Variants in PIGN observed in about 807,000 individuals in gnomAD.
PIGN encodes phosphatidylinositol glycan anchor biosynthesis class N, also known as GPI ethanolamine phosphate transferase 1.
In PIGN, 117 loss-of-function variants were observed where a neutral mutation model predicts 125.4. The observed-to-expected ratio is 0.93, with a 90% CI of 0.80 to 1.09. PIGN has a LOEUF of 1.09. Ranked by LOEUF, PIGN falls within the 50% of genes least tolerant of loss-of-function variation. The pLI is 0.00. For missense variants in PIGN, 1,075 were observed against 1,094.9 expected, an observed-to-expected ratio of 0.98 and a Z score of 0.26; for synonymous variants, 392 against 377.8, an observed-to-expected ratio of 1.04 and a Z score of -0.44.
intron 23 of PIGN, among the ~76,000 whole-genome samples, chr18:62,023,202 A>G (rs2030074707): frequency 6.6e-6 from 1 of 152,148 alleles, no homozygotes; most frequent in African/African-American, 2.4e-5. Flanking sequence ...CACCCCTAAA[A>G]GAAATCCCAT....
intron 28 of PIGN, among the ~76,000 whole-genome samples, chr18:62,079,430 A>G (rs888755879): frequency 1.3e-5 from 2 of 152,270 alleles, no homozygotes; most frequent in African/African-American, 2.4e-5. Context: ...AGAAATTAGC[A>G]TAAAATAAAA....
At chr18:62,121,991 C>G (rs2035325472) in intron 14 of PIGN, among the ~76,000 whole-genome samples, 1 of 152,054 alleles carries the variant, frequency 6.6e-6, no homozygotes, top group Non-Finnish European at 1.5e-5. Flanking sequence ...TTCCCACCAA[C>G]AGTACACAGG....
intron 16 of PIGN, 148 bp from the exon 17 acceptor site, chr18:62,110,121 A>G (rs1345151878): frequency 3.0e-6 from 2 of 661,194 alleles, no homozygotes; most frequent in Non-Finnish European, 4.9e-6. Context: ...CATTAAGACA[A>G]GGAAAAAAAT....
rs147773410 is a variant in PIGN, at chr18:62,155,424, C to T, written c.443-773G>A. Among the ~76,000 whole-genome samples the T allele has an allele frequency of 2.8e-3, 423 of 152,094 alleles. 1 individual carries two copies. Among genetic ancestry groups the T allele is most frequent in the African/African-American group, 9.7e-3 (402 of 41,482 alleles). The stretch of plus-strand genomic sequence containing the variant: ...TCTACTAAAAAGAGAAAAAAATTAG[C>T]TGGGTGTGGTGGTGTGCGCTTGTAA... On this transcript the variant is annotated intron_variant, in intron 6 of 30. Coordinates refer to ENST00000640252, the MANE Select transcript of PIGN (RefSeq NM_176787.5).
chr18:62,129,917 G>C (rs1458059768), intron 14 of PIGN, among the ~76,000 whole-genome samples: 1 of 152,176 alleles, frequency 6.6e-6, no homozygotes, highest in Non-Finnish European at 1.5e-5. Context: ...ACATCATCAA[G>C]CTAAAGCACA....
intron 30 of PIGN, among the ~76,000 whole-genome samples, chr18:62,050,676 A>G (rs374303208): frequency 6.6e-6 from 1 of 151,992 alleles, no homozygotes; most frequent in Admixed American, 6.6e-5. Context: ...TCTTTTCCTA[A>G]TTGAATACCC....
At chr18:62,163,156 G>A (rs2037013766) in intron 2 of PIGN, among the ~76,000 whole-genome samples, 1 of 152,116 alleles carries the variant, frequency 6.6e-6, no homozygotes, top group African/African-American at 2.4e-5. Context: ...CAGTAAGGGT[G>A]TATACTGATT....
Position 62,101,238 on chromosome 18 carries a change from C to G in PIGN, c.1969-55G>C. ...AAGAGAAGGTAGTGAAAGACTCTAA[C>G]TAGCAAGAATGTAAGACATTCTTAT... On this transcript the variant is annotated intron_variant, in intron 21 of 30. Transcript: ENST00000640252. 2 of 966,102 alleles carry G rather than the reference C, an allele frequency of 2.1e-6. 1 individual carries two copies. The highest frequency in any genetic ancestry group is 3.3e-6 in the Non-Finnish European group (2 of 611,344). 59.8% of individuals were successfully genotyped at this position (966,102 alleles called of 1,614,324 possible).
intron 23 of PIGN, among the ~76,000 whole-genome samples, chr18:62,092,894 CT>C (rs1394672645): frequency 6.6e-6 from 1 of 152,124 alleles, no homozygotes; most frequent in Non-Finnish European, 1.5e-5. Context: ...TATTCAAGCT[CT>C]TTCTCTAGTC....
At chr18:62,180,493 AT>A (rs2037678579) in intron 1 of PIGN, among the ~76,000 whole-genome samples, 1 of 152,154 alleles carries the variant, frequency 6.6e-6, no homozygotes, top group Non-Finnish European at 1.5e-5. Context: ...ATATCTCTAA[AT>A]CCCCCTAATT....
intron 1 of PIGN, among the ~76,000 whole-genome samples, chr18:62,165,810 G>A (rs2037112831): frequency 6.6e-6 from 1 of 152,184 alleles, no homozygotes; most frequent in Admixed American, 6.5e-5. Context: ...ACAGTAATGA[G>A]TAATCTAGGA....
intron 30 of PIGN, among the ~76,000 whole-genome samples, chr18:62,055,644 G>A (rs139019442): frequency 9.1e-4 from 138 of 151,980 alleles, no homozygotes; most frequent in African/African-American, 3.3e-3. Flanking sequence ...ACCACTGGGG[G>A]GAAATAAGGT....
chr18:62,046,994 G>A lies in PIGN; in HGVS notation c.2673-1015C>T, dbSNP rs538885851. Among the ~76,000 whole-genome samples the A allele has an allele frequency of 7.2e-5, 11 of 152,246 alleles. 1 individual carries two copies. In the South Asian group the frequency reaches 1.7e-3, roughly 23 times the overall value. On this transcript the variant is annotated intron_variant, in intron 30 of 30. Transcript: ENST00000640252. ...ACAGCAGCAACCTGGAAATGCCACT[G>A]GGCACAGACCAAAAAGAAATCCCCA...
At chr18:62,088,676 G>A in intron 25 of PIGN, 80 bp downstream of exon 25, 1 of 774,794 alleles carries the variant, frequency 1.3e-6, no homozygotes, top group East Asian at 2.7e-5. Context: ...TTAAGTGATG[G>A]GCAGAAACAC....
chr18:62,121,005 G>A (rs944797179), intron 14 of PIGN, among the ~76,000 whole-genome samples: 19 of 152,152 alleles, frequency 1.2e-4, no homozygotes, highest in Admixed American at 1.2e-3. Context: ...GAAAGGATAT[G>A]AGAAAAGACA....
chr18:62,168,516 T>C (rs1269635707), intron 1 of PIGN, among the ~76,000 whole-genome samples: 1 of 152,174 alleles, frequency 6.6e-6, no homozygotes, highest in East Asian at 1.9e-4. Flanking sequence ...CTGAACCATT[T>C]GAGGATAAGT....
At chr18:62,132,330 A>G (rs1450171587) in intron 14 of PIGN, among the ~76,000 whole-genome samples, 1 of 152,240 alleles carries the variant, frequency 6.6e-6, no homozygotes. Context: ...CTTGTAATGC[A>G]GAGCTAACAT....
At chr18:62,130,442 A>C (rs2035689366) in intron 14 of PIGN, among the ~76,000 whole-genome samples, 1 of 152,148 alleles carries the variant, frequency 6.6e-6, no homozygotes, top group Non-Finnish European at 1.5e-5. Flanking sequence ...AACATTCTAC[A>C]TAGTAATTTG....
Position 62,043,894 on chromosome 18 carries a change from A to C in PIGN, c.*1962T>G, listed in dbSNP as rs2030478543. 6.6e-6 allele frequency: 1 copy of C among 152,250 alleles called. No individual in the cohort carries two copies. The highest frequency in any genetic ancestry group is 1.5e-5 in the Non-Finnish European group (1 of 68,042). 9.4% of individuals were successfully genotyped at this position (152,250 alleles called of 1,614,324 possible). A position where few individuals can be genotyped will look rare whatever the true frequency, so the allele number is the denominator to read the frequency against. Reference sequence around the variant, plus strand: ...ATCTATGGCATAGGTAGAATGAAAAAATAAATACCTTAAATAGAAATACTT... The same window carrying C: ...ATCTATGGCATAGGTAGAATGAAAACATAAATACCTTAAATAGAAATACTT... On this transcript the variant is annotated 3_prime_UTR_variant, in exon 31 of 31. Coordinates refer to ENST00000640252, the MANE Select transcript of PIGN (RefSeq NM_176787.5).
Sources: gnomAD v4.1 joint callset for allele counts (sites outside exome capture counted in the v4.1 genomes callset) on GRCh38, gnomAD v4.1.1 for gene constraint, MANE v1.5 for transcripts, NCBI Gene and HGNC (gene_info 2026-07-23, HGNC 2026-07-21) for gene names.